SLC4A4: variants seen among roughly 807,000 people sequenced by gnomAD.
SLC4A4 encodes the protein electrogenic sodium bicarbonate cotransporter 1.
SLC4A4 carries 27 observed loss-of-function variants against 111.5 expected under a neutral mutation model. The observed-to-expected ratio is 0.24, with a 90% CI of 0.18 to 0.33. SLC4A4 has a LOEUF of 0.33. Ranked by LOEUF, SLC4A4 falls within the 10% of genes least tolerant of loss-of-function variation. SLC4A4 has a pLI of 1.00. For missense variants in SLC4A4, 909 were observed against 1,315.5 expected, an observed-to-expected ratio of 0.69 and a Z score of 4.78; for synonymous variants, 443 against 463.4, an observed-to-expected ratio of 0.96 and a Z score of 0.57.
chr4:71,240,101 C>G (rs1006737739), intron 2 of SLC4A4, among the ~76,000 whole-genome samples: 1 of 151,964 alleles, frequency 6.6e-6, no homozygotes, highest in African/African-American at 2.4e-5. Flanking sequence ...GTAGTGATTG[C>G]TAATTACGTA....
At chr4:71,354,498 C>G (rs1328756565) in intron 5 of SLC4A4, among the ~76,000 whole-genome samples, 1 of 152,106 alleles carries the variant, frequency 6.6e-6, no homozygotes, top group Non-Finnish European at 1.5e-5. Context: ...CATTGAATAC[C>G]TTTCACATCA....
chr4:71,395,915 A>G (rs1275643026), intron 6 of SLC4A4, among the ~76,000 whole-genome samples: 1 of 152,192 alleles, frequency 6.6e-6, no homozygotes, highest in Admixed American at 6.5e-5. Flanking sequence ...TATAATTCAG[A>G]TTTATTCACT....
At chr4:71,249,777 A>G (rs961192757) in intron 2 of SLC4A4, among the ~76,000 whole-genome samples, 14 of 152,060 alleles carry the variant, frequency 9.2e-5, no homozygotes, top group African/African-American at 3.1e-4. Flanking sequence ...TGTGATACTC[A>G]GGAGGCTGAG....
intron 3 of SLC4A4, among the ~76,000 whole-genome samples, chr4:71,269,584 G>A (rs915286771): frequency 6.6e-6 from 1 of 152,074 alleles, no homozygotes; most frequent in Non-Finnish European, 1.5e-5. Flanking sequence ...GCGTGTCTTT[G>A]CCTAGCAAGT....
At chr4:71,324,363 T>C (rs1458559348) in intron 3 of SLC4A4, among the ~76,000 whole-genome samples, 1 of 151,972 alleles carries the variant, frequency 6.6e-6, no homozygotes, top group African/African-American at 2.4e-5. Context: ...TCTTGGAATA[T>C]TGAAATAATA....
At chr4:71,256,291 T>G (rs931485731) in intron 3 of SLC4A4, among the ~76,000 whole-genome samples, 1 of 152,168 alleles carries the variant, frequency 6.6e-6, no homozygotes, top group Non-Finnish European at 1.5e-5. Context: ...ATGGCACAGA[T>G]AAAGATCGGG....
chr4:71,297,923 A>G (rs955445951), intron 3 of SLC4A4, among the ~76,000 whole-genome samples: 1 of 152,136 alleles, frequency 6.6e-6, no homozygotes, highest in Non-Finnish European at 1.5e-5. Flanking sequence ...TTTAAAATTA[A>G]CCAATACATT....
At chr4:71,417,853 A>G (rs1256472326) in intron 7 of SLC4A4, among the ~76,000 whole-genome samples, 1 of 152,156 alleles carries the variant, frequency 6.6e-6, no homozygotes, top group Non-Finnish European at 1.5e-5. Flanking sequence ...TAATGGTTTC[A>G]CCGTATAGTG....
chr4:71,450,367 C>A, intron 9 of SLC4A4, 22 bp from the exon 10 acceptor site: 3 of 1,577,898 alleles, frequency 1.9e-6, no homozygotes, highest in Non-Finnish European at 2.6e-6. Flanking sequence ...TTTGGATGAG[C>A]ACATCTTTTA....
At chr4:71,518,083 G>A (rs1732574854) in intron 16 of SLC4A4, among the ~76,000 whole-genome samples, 1 of 152,168 alleles carries the variant, frequency 6.6e-6, no homozygotes, top group Non-Finnish European at 1.5e-5. Flanking sequence ...GGCTCCATGG[G>A]TACCAGCCTA....
rs1020440996 is a variant in SLC4A4 at position 71,472,978 on chromosome 4, C to T, written c.1903+8C>T. ...GTGTGCCACCTGACCCAGGTGAGGGCATTACGCTTTGTGTTTATGCTCGCT... is the reference window on the plus strand; with the variant it reads ...GTGTGCCACCTGACCCAGGTGAGGGTATTACGCTTTGTGTTTATGCTCGCT... On this transcript the variant is annotated splice_region_variant and intron_variant, in intron 14 of 25. Coordinates refer to ENST00000264485, the MANE Select transcript of SLC4A4 (RefSeq NM_001098484.3). 6.2e-7 allele frequency: 1 copy of T among 1,612,890 alleles called. No individual in the cohort carries two copies. Among genetic ancestry groups the T allele is most frequent in the Non-Finnish European group, 8.5e-7 (1 of 1,179,306 alleles).
chr4:71,148,133 ATCTT>A (rs1744228160), intron 2 of SLC4A4, among the ~76,000 whole-genome samples: 1 of 152,200 alleles, frequency 6.6e-6, no homozygotes, highest in Non-Finnish European at 1.5e-5. Flanking sequence ...CTTATGTTCC[ATCTT>A]TCTTCTCTGC....
chr4:71,339,164 A>G, intron 3 of SLC4A4: 1 of 1,613,520 alleles, frequency 6.2e-7, no homozygotes, highest in Non-Finnish European at 8.5e-7. Flanking sequence ...GAGAACCAAG[A>G]TACAGTTCAG....
chr4:71,312,623 C>A (rs566063980), intron 3 of SLC4A4, among the ~76,000 whole-genome samples: 2 of 152,262 alleles, frequency 1.3e-5, no homozygotes, highest in South Asian at 4.1e-4. Context: ...TCAACATATG[C>A]AAATCAATGA....
chr4:71,234,020 C>T (rs1719628569), intron 1 of SLC4A4, among the ~76,000 whole-genome samples: 1 of 152,190 alleles, frequency 6.6e-6, no homozygotes, highest in South Asian at 2.1e-4. Flanking sequence ...GTTCCTGCAA[C>T]ATCCTAAACT....
chr4:71,497,545 G>A lies in SLC4A4; in HGVS notation c.2019G>A (p.Glu673=), dbSNP rs1419894540. The A allele has an allele frequency of 1.2e-6, 2 of 1,613,618 alleles. No individual in the cohort carries two copies. The highest frequency in any genetic ancestry group is 1.7e-5 in the Admixed American group (1 of 59,882). Residue 673 remains glutamate, a synonymous_variant, in exon 16 of 26, where the codon GAG becomes GAA. Coordinates refer to ENST00000264485, the MANE Select transcript of SLC4A4 (RefSeq NM_001098484.3). ...TFDWAFLSKK[E]CSKYGGNLVG... The stretch of plus-strand genomic sequence containing the variant: ...ACTGGGCATTTTTGTCGAAGAAGGA[G>A]TGTTCAAAATACGGAGGAAACCTCG...
chr4:71,294,236 T>C (rs1051802103), intron 3 of SLC4A4, among the ~76,000 whole-genome samples: 8 of 152,202 alleles, frequency 5.3e-5, no homozygotes, highest in African/African-American at 1.9e-4. Flanking sequence ...AAAGGTGTCT[T>C]CTGTGAAGCT....
intron 14 of SLC4A4, among the ~76,000 whole-genome samples, chr4:71,485,659 A>G (rs1452977405): frequency 1.3e-5 from 2 of 151,576 alleles, no homozygotes; most frequent in African/African-American, 4.8e-5. Flanking sequence ...TTTACAATCT[A>G]AAGTCTTGAA....
intron 2 of SLC4A4, among the ~76,000 whole-genome samples, chr4:71,107,801 G>A (rs1578487000): frequency 1.3e-5 from 2 of 151,146 alleles, no homozygotes; most frequent in East Asian, 3.9e-4. Context: ...TCAAACTCCT[G>A]TGCTTAAGCA....
Sources: allele counts gnomAD v4.1 joint callset (sites outside exome capture counted in the v4.1 genomes callset), GRCh38; gene constraint gnomAD v4.1.1; transcripts MANE v1.5; gene names NCBI Gene and HGNC (gene_info 2026-07-23, HGNC 2026-07-21).